Variants in ABI1 observed in about 807,000 individuals in gnomAD.
The protein encoded by ABI1 is Abelson interactor 1.
A neutral mutation model predicts 54.6 loss-of-function variants in ABI1; 14 were observed. The ratio of observed to expected loss-of-function variants is 0.26; its 90% CI spans 0.17 to 0.40. The LOEUF (loss-of-function observed/expected upper bound fraction) is 0.40, where lower values mean the gene tolerates loss of function less well. ABI1 is among the 10% of genes least tolerant of loss of function. The pLI is 1.00. For missense variants in ABI1, 443 were observed against 598.3 expected (o/e 0.74, Z 2.71); for synonymous variants, 194 against 209.3 (o/e 0.93, Z 0.63).
At position 26,748,369 on chromosome 10, in the gene ABI1, C is replaced by A; in HGVS notation, c.*201G>T. 2.1e-6 allele frequency: 1 copy of A among 477,406 alleles called. No individual in the cohort carries two copies. The highest frequency in any genetic ancestry group is 3.7e-6 in the Non-Finnish European group (1 of 268,978). The allele number at this position is 477,406 out of a possible 1,614,324, so 29.6% of individuals were successfully genotyped here. ...CATAAGCATAATCAGTTATGGACAG[C>A]TTCTTGTATAAATTGCTATTCAGCA... On this transcript the variant is annotated 3_prime_UTR_variant, in exon 11 of 11. Transcript: ENST00000376140.
intron 8 of ABI1, among the ~76,000 whole-genome samples, chr10:26,758,360 T>C (rs1316294416): frequency 6.6e-6 from 1 of 152,198 alleles, no homozygotes; most frequent in Non-Finnish European, 1.5e-5. Flanking sequence ...TTTTCCTTTT[T>C]GCATTGAACA....
At chr10:26,803,667 C>T (rs1434663912) in intron 2 of ABI1, among the ~76,000 whole-genome samples, 3 of 152,128 alleles carry the variant, frequency 2.0e-5, no homozygotes, top group Non-Finnish European at 4.4e-5. Flanking sequence ...AAATTTTACA[C>T]TAGAGTGTAT....
chr10:26,840,371 G>A (rs996834008), intron 1 of ABI1, among the ~76,000 whole-genome samples: 3 of 152,170 alleles, frequency 2.0e-5, no homozygotes, highest in Admixed American at 6.5e-5. Context: ...AGCAGATGTT[G>A]GCACCATGCT....
At chr10:26,795,131 G>C (rs557572018) in intron 2 of ABI1, among the ~76,000 whole-genome samples, 1 of 145,232 alleles carries the variant, frequency 6.9e-6, no homozygotes, top group South Asian at 2.3e-4. Context: ...GCGACAGAGC[G>C]AGACTGTCTC....
rs2051228845 is a variant in ABI1 at position 26,860,597 on chromosome 10, C to G, written c.117+150G>C. ...CCTCAGCCCGGCCACTCGCTCTGTCCCCGGTTGGGGCTGGGGTTGGGGCTG... is the reference window on the plus strand; with the variant it reads ...CCTCAGCCCGGCCACTCGCTCTGTCGCCGGTTGGGGCTGGGGTTGGGGCTG... On this transcript the variant is annotated intron_variant, in intron 1 of 10. Coordinates refer to ENST00000376140, the MANE Select transcript of ABI1 (RefSeq NM_001012750.3). This position sits in a 1 kb window ranked among gnomAD's most constrained non-coding sequence, Gnocchi z 4.1. 1 of 662,812 alleles carries G rather than the reference C, an allele frequency of 1.5e-6. No individual in the cohort carries two copies. Among genetic ancestry groups the G allele is most frequent in the Non-Finnish European group, 2.7e-6 (1 of 375,002 alleles). 41.1% of individuals were successfully genotyped at this position (662,812 alleles called of 1,614,324 possible).
intron 1 of ABI1, among the ~76,000 whole-genome samples, chr10:26,841,924 T>C (rs1228838388): frequency 1.3e-5 from 2 of 149,520 alleles, no homozygotes; most frequent in Admixed American, 6.7e-5. Context: ...TATAAGGTGA[T>C]CTCACTTCCT....
chr10:26,816,196 G>A (rs934548225), intron 2 of ABI1, among the ~76,000 whole-genome samples: 1 of 152,152 alleles, frequency 6.6e-6, no homozygotes, highest in Non-Finnish European at 1.5e-5. Context: ...GAGAGAACTG[G>A]CCAACAAAGA....
At chr10:26,772,615 G>C (rs1350403240) in intron 3 of ABI1, among the ~76,000 whole-genome samples, 2 of 152,102 alleles carry the variant, frequency 1.3e-5, no homozygotes, top group Non-Finnish European at 2.9e-5. Flanking sequence ...CCTCTATTAA[G>C]TGTTATTAGA....
chr10:26,840,203 G>A (rs1589042987), intron 1 of ABI1, among the ~76,000 whole-genome samples: 1 of 152,078 alleles, frequency 6.6e-6, no homozygotes, highest in Non-Finnish European at 1.5e-5. Context: ...TGAATGGCTT[G>A]GGGTCCTCAG....
At chr10:26,856,779 CT>C (rs1483842398) in intron 1 of ABI1, among the ~76,000 whole-genome samples, 93 of 152,286 alleles carry the variant, frequency 6.1e-4, no homozygotes, top group Admixed American at 3.8e-3. Context: ...TACCCCCAAC[CT>C]ACCAATCTGC....
Position 26,833,231 on chromosome 10 carries a change from C to T in ABI1, c.118-9926G>A, listed in dbSNP as rs935331317. Reference sequence around the variant, plus strand: ...AGTTGGGGCATACTCTCTTCTTTAACGGGAGAGCTACACAGAACAATCAAC... The same window carrying T: ...AGTTGGGGCATACTCTCTTCTTTAATGGGAGAGCTACACAGAACAATCAAC... On this transcript the variant is annotated intron_variant, in intron 1 of 10. Transcript: ENST00000376140. 6.6e-5 allele frequency among the ~76,000 whole-genome samples: 10 copies of T among 152,034 alleles called. No individual in the cohort carries two copies. The South Asian group carries it at 1.5e-3, about 22-fold the overall frequency.
At chr10:26,823,076 C>T (rs2048088665) in intron 2 of ABI1, 62 bp downstream of exon 2, 4 of 1,413,554 alleles carry the variant, frequency 2.8e-6, no homozygotes, top group Non-Finnish European at 3.8e-6. Flanking sequence ...AGGCTATTTA[C>T]TTCTTTGGCA....
At chr10:26,765,093 T>C (rs1839758420) in intron 7 of ABI1, 125 bp downstream of exon 7, 1 of 699,054 alleles carries the variant, frequency 1.4e-6, no homozygotes, top group South Asian at 2.0e-5. Flanking sequence ...TTATCAGCCT[T>C]TATTCTAGCA....
intron 2 of ABI1, among the ~76,000 whole-genome samples, chr10:26,819,870 A>C (rs2047852283): frequency 6.6e-6 from 1 of 152,244 alleles, no homozygotes; most frequent in Admixed American, 6.5e-5. Flanking sequence ...TGTTATTTGC[A>C]ACATGACACA....
chr10:26,752,906 T>G (rs938795989), intron 9 of ABI1, among the ~76,000 whole-genome samples: 4 of 152,122 alleles, frequency 2.6e-5, no homozygotes, highest in East Asian at 1.9e-4. Flanking sequence ...TTCATACAAA[T>G]TGATACAGGA....
Position 26,748,472 on chromosome 10 carries a change from T to C in ABI1, c.*98A>G, listed in dbSNP as rs1837184597. ...AATAAAACAGCATGTTCTGAAAATATGGGCACATTTTAAAACATATTAAGA... is the reference window on the plus strand; with the variant it reads ...AATAAAACAGCATGTTCTGAAAATACGGGCACATTTTAAAACATATTAAGA... On this transcript the variant is annotated 3_prime_UTR_variant, in exon 11 of 11. Transcript: ENST00000376140. 1 of 883,478 alleles carries C rather than the reference T, an allele frequency of 1.1e-6. No individual in the cohort carries two copies. The highest frequency in any genetic ancestry group is 2.7e-5 in the East Asian group (1 of 37,662). The allele number at this position is 883,478 out of a possible 1,614,324, so 54.7% of individuals were successfully genotyped here. A position where few individuals can be genotyped will look rare whatever the true frequency, so the allele number is the denominator to read the frequency against.
At position 26,801,888 on chromosome 10, in the gene ABI1, C is replaced by T. The variant is rs370792913; in HGVS notation, c.285+21250G>A. Among the ~76,000 whole-genome samples the T allele has an allele frequency of 8.5e-5, 13 of 152,278 alleles. No individual in the cohort carries two copies. In the East Asian group the frequency reaches 2.1e-3, roughly 25 times the overall value. On this transcript the variant is annotated intron_variant, in intron 2 of 10. Coordinates refer to ENST00000376140, the MANE Select transcript of ABI1 (RefSeq NM_001012750.3). ...ACCATAATAGACCTCCTATGGAAGG[C>T]ACATACCGAACAATCAGACAAATAG...
chr10:26,827,741 A>T lies in ABI1; in HGVS notation c.118-4436T>A, dbSNP rs574872583. On this transcript the variant is annotated intron_variant, in intron 1 of 10. Transcript: ENST00000376140. The stretch of plus-strand genomic sequence containing the variant: ...CCAAGTAGCTGGGACTACAGGCATA[A>T]GCCACCATGCCCAGGTATTTTTTGT... 3.3e-5 allele frequency among the ~76,000 whole-genome samples: 5 copies of T among 152,086 alleles called. No individual in the cohort carries two copies. In the East Asian group the frequency reaches 9.7e-4, roughly 29 times the overall value.
chr10:26,777,380 T>A, intron 2 of ABI1, 139 bp from the exon 3 acceptor site: 3 of 588,534 alleles, frequency 5.1e-6, no homozygotes, highest in Non-Finnish European at 8.4e-6. Flanking sequence ...TATTAAATTA[T>A]ACTAGGCTAA....
Sources: allele counts gnomAD v4.1 joint callset (sites outside exome capture counted in the v4.1 genomes callset), GRCh38; gene constraint gnomAD v4.1.1; non-coding constraint Gnocchi (gnomAD v3.1); transcripts MANE v1.5; gene names NCBI Gene and HGNC (gene_info 2026-07-23, HGNC 2026-07-21).